The following NEBL variants were observed in gnomAD, a reference collection of about 807,000 sequenced individuals.
The protein encoded by NEBL is LIM and SH3 protein 2.
In NEBL, 122 loss-of-function variants were observed where a neutral mutation model predicts 140.2. That is an observed-to-expected ratio of 0.87 (90% CI 0.75 to 1.01). NEBL has a LOEUF of 1.01. Ranked by LOEUF, NEBL falls within the 50% of genes least tolerant of loss-of-function variation. The pLI, the probability that NEBL is intolerant of heterozygous loss-of-function variation, is 0.00. For missense variants in NEBL, 1,365 were observed against 1,231.3 expected, an observed-to-expected ratio of 1.11 and a Z score of -1.62; for synonymous variants, 436 against 398.9, an observed-to-expected ratio of 1.09 and a Z score of -1.11.
chr10:20,908,153 C>A (rs1359616655), intron 4 of NEBL, among the ~76,000 whole-genome samples: 2 of 152,132 alleles, frequency 1.3e-5, no homozygotes, highest in Admixed American at 1.3e-4. Flanking sequence ...TCTTCAGACA[C>A]CCATTTCACA....
At chr10:21,183,508 C>T (rs1289269083) in intron 3 of NEBL, among the ~76,000 whole-genome samples, 1 of 152,008 alleles carries the variant, frequency 6.6e-6, no homozygotes, top group African/African-American at 2.4e-5. Flanking sequence ...TTTTCTGAGC[C>T]CAGAAGTGAA....
At chr10:20,976,163 C>T (rs1390059936) in intron 3 of NEBL, among the ~76,000 whole-genome samples, 3 of 151,160 alleles carry the variant, frequency 2.0e-5, no homozygotes, top group Admixed American at 6.6e-5. Context: ...GGTGAAACCC[C>T]ATCTCTACTA....
upstream of NEBL, among the ~76,000 whole-genome samples, chr10:21,177,535 C>CT (rs541092301): frequency 6.8e-3 from 984 of 144,980 alleles, 13 homozygotes; most frequent in Admixed American, 7.2e-3. Context: ...TTTATTTTTC[C>CT]TTTTTTTTTT....
intron 2 of NEBL, among the ~76,000 whole-genome samples, chr10:21,162,146 G>A (rs1840583076): frequency 6.6e-6 from 1 of 152,210 alleles, no homozygotes; most frequent in Admixed American, 6.5e-5. Flanking sequence ...CCTGGTTGAT[G>A]ATTGCACCAA....
intron 3 of NEBL, among the ~76,000 whole-genome samples, chr10:21,216,782 A>AG (rs1194337581): frequency 2.6e-5 from 4 of 151,114 alleles, no homozygotes; most frequent in African/African-American, 9.8e-5. Flanking sequence ...AAAAAAAAAA[A>AG]AGAAAAAGAA....
At chr10:21,125,818 G>C in intron 2 of NEBL, 1 of 1,597,378 alleles carries the variant, frequency 6.3e-7, no homozygotes, top group Non-Finnish European at 8.6e-7. Flanking sequence ...GTGTCCTTCA[G>C]ACATTTACAA....
intron 25 of NEBL, 34 bp from the exon 26 acceptor site, chr10:20,808,693 T>C: frequency 1.9e-6 from 3 of 1,597,980 alleles, no homozygotes; most frequent in Non-Finnish European, 2.6e-6. Flanking sequence ...CACGTGTGAT[T>C]AAGTGACTCG....
intron 1 of NEBL, among the ~76,000 whole-genome samples, chr10:21,286,770 C>T (rs939503476): frequency 8.6e-5 from 13 of 150,994 alleles, no homozygotes; most frequent in East Asian, 1.9e-4. Flanking sequence ...ACTTGGGAGG[C>T]GGAGGTTGCA....
At chr10:21,254,077 G>A (rs948001043) in intron 1 of NEBL, among the ~76,000 whole-genome samples, 1 of 152,154 alleles carries the variant, frequency 6.6e-6, no homozygotes, top group African/African-American at 2.4e-5. Flanking sequence ...AATGTCTTAT[G>A]ATAATATGGA....
At chr10:21,200,750 A>G (rs1237936429) in intron 3 of NEBL, among the ~76,000 whole-genome samples, 1 of 152,154 alleles carries the variant, frequency 6.6e-6, no homozygotes, top group Non-Finnish European at 1.5e-5. Flanking sequence ...ACCTGGACCA[A>G]TGTAGGCCAG....
At position 20,946,909 on chromosome 10, in the gene NEBL, C is replaced by T. The variant is rs578228175; in HGVS notation, c.357+14763G>A. Among the ~76,000 whole-genome samples, 5 of 152,158 alleles carry T rather than the reference C, an allele frequency of 3.3e-5. No individual in the cohort carries two copies. In the East Asian group the frequency reaches 7.7e-4, roughly 24 times the overall value. ...ATGGGTTTTTTTGAATCGTTAATAG[C>T]TACTTCTGTGGAACCCATACAAGTG... On this transcript the variant is annotated intron_variant, in intron 4 of 6. Transcript: ENST00000417816.
intron 2 of NEBL, 139 bp downstream of exon 2, chr10:20,896,819 G>C: frequency 1.2e-6 from 1 of 818,830 alleles, no homozygotes. Context: ...GAAAATTTCA[G>C]GACTTTGTTC....
At chr10:20,878,444 A>G (rs73607540) in intron 5 of NEBL, among the ~76,000 whole-genome samples, 9,910 of 152,248 alleles carry the variant, frequency 0.065, 981 homozygotes, top group African/African-American at 0.22. Flanking sequence ...TCCACTAGTA[A>G]ATTCTCTGCA....
At chr10:20,899,379 T>C (rs749773080), upstream of NEBL, 4 of 1,302,398 alleles carry the variant, frequency 3.1e-6, no homozygotes, top group South Asian at 2.5e-5. Context: ...GTGAATTACC[T>C]TCATCAGGCT....
chr10:21,029,405 T>C, intron 2 of NEBL: 1 of 1,611,498 alleles, frequency 6.2e-7, no homozygotes, highest in East Asian at 2.2e-5. Context: ...CCAGAGAGGT[T>C]GAAAGGTTTT....
At chr10:20,973,593 T>G (rs1286599451) in intron 3 of NEBL, among the ~76,000 whole-genome samples, 1 of 152,156 alleles carries the variant, frequency 6.6e-6, no homozygotes, top group African/African-American at 2.4e-5. Flanking sequence ...AACCTATAAT[T>G]TGATCTACCC....
At chr10:21,052,819 C>T (rs1834835417) in intron 2 of NEBL, among the ~76,000 whole-genome samples, 1 of 152,158 alleles carries the variant, frequency 6.6e-6, no homozygotes, top group Admixed American at 6.5e-5. Flanking sequence ...TGCATACAGA[C>T]AGAAAATGCT....
At chr10:20,975,469 C>A (rs1428208359) in intron 3 of NEBL, among the ~76,000 whole-genome samples, 1 of 151,952 alleles carries the variant, frequency 6.6e-6, no homozygotes, top group Non-Finnish European at 1.5e-5. Context: ...CCATCTGGTC[C>A]GAGTTTTCTC....
chr10:21,039,390 G>A (rs1447963983), intron 2 of NEBL, among the ~76,000 whole-genome samples: 1 of 152,120 alleles, frequency 6.6e-6, no homozygotes, highest in African/African-American at 2.4e-5. Flanking sequence ...TCCATCTTGA[G>A]TTAATATTTG....
Sources: allele counts gnomAD v4.1 joint callset (sites outside exome capture counted in the v4.1 genomes callset), GRCh38; gene constraint gnomAD v4.1.1; transcripts MANE v1.5; gene names NCBI Gene and HGNC (gene_info 2026-07-23, HGNC 2026-07-21).